POLR2B: variants seen among roughly 807,000 people sequenced by gnomAD.
POLR2B encodes DNA-directed RNA polymerase II subunit RPB2.
In POLR2B, 57 loss-of-function variants were observed where a neutral mutation model predicts 144.6. The ratio of observed to expected loss-of-function variants is 0.39; its 90% CI spans 0.32 to 0.49. POLR2B has a LOEUF of 0.49. Among genes scored for constraint, POLR2B ranks in the 20% least tolerant of loss-of-function variants. POLR2B has a pLI of 0.83. For synonymous variants in POLR2B, 442 were observed against 469.8 expected (o/e 0.94, Z 0.77); for missense variants, 595 against 1,467.4 (o/e 0.41, Z 9.71).
At chr4:56,981,471 C>T (rs1403717279) in intron 1 of POLR2B, among the ~76,000 whole-genome samples, 2 of 152,182 alleles carry the variant, frequency 1.3e-5, no homozygotes, top group African/African-American at 4.8e-5. Context: ...TAACATTTTG[C>T]TAGATGATGC....
chr4:56,992,492 A>AAAAAAAAAAG (rs760090936), intron 3 of POLR2B, among the ~76,000 whole-genome samples: 5 of 88,484 alleles, frequency 5.7e-5, no homozygotes, highest in African/African-American at 1.8e-4. Flanking sequence ...AAAAAAAAAA[A>AAAAAAAAAAG]GAAAAGAAAA....
intron 14 of POLR2B, among the ~76,000 whole-genome samples, chr4:57,016,060 G>T (rs1405963061): frequency 1.3e-5 from 2 of 152,166 alleles, no homozygotes; most frequent in Non-Finnish European, 2.9e-5. Flanking sequence ...CGTCCGGCAA[G>T]TTAACGATTT....
chr4:56,998,172 TAGATA>T (rs1722747169), intron 6 of POLR2B, among the ~76,000 whole-genome samples: 2 of 152,262 alleles, frequency 1.3e-5, no homozygotes, highest in Admixed American at 6.5e-5. Context: ...AGTTCAGTTT[TAGATA>T]AGATTTTTGG....
intron 16 of POLR2B, among the ~76,000 whole-genome samples, chr4:57,020,102 T>G (rs1349994722): frequency 6.6e-6 from 1 of 152,184 alleles, no homozygotes; most frequent in Non-Finnish European, 1.5e-5. Flanking sequence ...GGCACGATCT[T>G]GGTTCGCTGC....
At chr4:57,001,864 G>A (rs1165162617) in intron 7 of POLR2B, among the ~76,000 whole-genome samples, 2 of 152,104 alleles carry the variant, frequency 1.3e-5, no homozygotes, top group Non-Finnish European at 2.9e-5. Flanking sequence ...TGTCCAGAGC[G>A]CTTAAGACTA....
chr4:56,985,241 T>G, intron 1 of POLR2B: 1 of 830,476 alleles, frequency 1.2e-6, no homozygotes, highest in Non-Finnish European at 1.5e-6. Flanking sequence ...TATTTTATTT[T>G]TTTAAATTTT....
rs1056523399 is a variant in POLR2B at position 56,996,485 on chromosome 4, C to T, written c.735+1076C>T. The stretch of plus-strand genomic sequence containing the variant: ...ATTTTTAGTAGAGATGGGGTTTCAC[C>T]GTGTTAGCCAGGATGGTCTCGATCT... On this transcript the variant is annotated intron_variant, in intron 6 of 24. Coordinates refer to ENST00000314595, the MANE Select transcript of POLR2B (RefSeq NM_000938.3). Among the ~76,000 whole-genome samples the T allele has an allele frequency of 1.4e-3, 211 of 150,826 alleles. 1 individual carries two copies. The highest frequency in any genetic ancestry group is 4.9e-3 in the African/African-American group (202 of 41,116).
intron 1 of POLR2B, among the ~76,000 whole-genome samples, chr4:56,984,989 G>A (rs950245888): frequency 3.9e-5 from 6 of 152,124 alleles, no homozygotes; most frequent in Non-Finnish European, 7.4e-5. Flanking sequence ...GGCATAGCAG[G>A]CATGACTTGC....
chr4:57,017,742 TG>T lies in POLR2B; in HGVS notation c.2323+15del, dbSNP rs1310237285. On this transcript the variant is annotated intron_variant, in intron 16 of 24. Coordinates refer to ENST00000314595, the MANE Select transcript of POLR2B (RefSeq NM_000938.3). This position sits in a 1 kb window ranked among gnomAD's most constrained non-coding sequence, Gnocchi z 4.8. ...AGCTGCCAGCAGGTATGGTCAGTTTTGCTCTACGTTATTTAAGATCCTTCTG... is the reference window on the plus strand; with the variant it reads ...AGCTGCCAGCAGGTATGGTCAGTTTTCTCTACGTTATTTAAGATCCTTCTG... 6.2e-7 allele frequency: 1 copy of T among 1,603,540 alleles called. No homozygotes were observed.
intron 9 of POLR2B, among the ~76,000 whole-genome samples, 199 bp downstream of exon 9, chr4:57,005,918 G>A (rs902294368): frequency 2.0e-5 from 3 of 152,076 alleles, no homozygotes; most frequent in South Asian, 2.1e-4. Context: ...AATATATTAC[G>A]TGTTTATATA....
At chr4:57,007,898 C>G (rs901977438) in intron 10 of POLR2B, among the ~76,000 whole-genome samples, 57 of 152,308 alleles carry the variant, frequency 3.7e-4, no homozygotes, top group African/African-American at 1.3e-3. Flanking sequence ...CCAGTATCAC[C>G]TGATTGATTT....
At chr4:57,024,435 C>T (rs1344534770) in intron 21 of POLR2B, among the ~76,000 whole-genome samples, 1 of 152,166 alleles carries the variant, frequency 6.6e-6, no homozygotes, top group East Asian at 1.9e-4. Flanking sequence ...GTTCTATTAT[C>T]AGCTCTGCAT....
chr4:57,023,017 T>C lies in POLR2B; in HGVS notation c.2516-313T>C, dbSNP rs181562502. Among the ~76,000 whole-genome samples the C allele has an allele frequency of 4.6e-5, 7 of 152,334 alleles. No individual in the cohort carries two copies. The highest frequency in any genetic ancestry group is 7.2e-5 in the African/African-American group (3 of 41,582). ...CCTGTACCCACTGATGGCAGAGATA[T>C]TCTTTCTCTTGTAATATAGAAATCA... On this transcript the variant is annotated intron_variant, in intron 18 of 24. Transcript: ENST00000314595. This position sits in a 1 kb window ranked among gnomAD's most constrained non-coding sequence, Gnocchi z 4.3.
At position 56,988,186 on chromosome 4, in the gene POLR2B, C is replaced by T. The variant is rs942625564; in HGVS notation, c.92+1760C>T. Among the ~76,000 whole-genome samples, 80 of 152,096 alleles carry T rather than the reference C, an allele frequency of 5.3e-4. 1 individual carries two copies. The highest frequency in any genetic ancestry group is 1.9e-3 in the African/African-American group (77 of 41,476). On this transcript the variant is annotated intron_variant, in intron 2 of 24. Transcript: ENST00000314595. ...GCAGGGTTTGGAGAAGGGGCCGGGG[C>T]GGCAGTTGCCATGTTTGGTTGCAAA...
chr4:57,013,882 A>C (rs1723280313), intron 13 of POLR2B, among the ~76,000 whole-genome samples: 1 of 151,062 alleles, frequency 6.6e-6, no homozygotes, highest in Admixed American at 6.6e-5. Context: ...CTGAGGTGGG[A>C]GGATCGCTTA....
In POLR2B at chr4:57,023,833, A is replaced by C; in HGVS notation, c.2856+82A>C. ...TAATCAAAATTTGCTTTAACTTAAG[A>C]GCTCAAAGATGATACAGGTTGAACT... On this transcript the variant is annotated intron_variant, in intron 20 of 24. Coordinates refer to ENST00000314595, the MANE Select transcript of POLR2B (RefSeq NM_000938.3). This position sits in a 1 kb window ranked among gnomAD's most constrained non-coding sequence, Gnocchi z 4.3. 1 of 978,212 alleles carries C rather than the reference A, an allele frequency of 1.0e-6. No homozygotes were observed. Among genetic ancestry groups the C allele is most frequent in the Non-Finnish European group, 1.6e-6 (1 of 644,492 alleles). The allele number at this position is 978,212 out of a possible 1,614,324, so 60.6% of individuals were successfully genotyped here. A position where few individuals can be genotyped will look rare whatever the true frequency, so the allele number is the denominator to read the frequency against.
chr4:57,030,905 T>G lies in POLR2B; in HGVS notation c.3442T>G (p.Leu1148Val), dbSNP rs529967662. Residue 1148 changes from leucine (L) to valine (V), a missense_variant, in exon 25 of 25, where the codon TTG becomes GTG. By Grantham distance (32) the Leu-to-Val change is conservative (BLOSUM62 1). Around this residue, in one of 9 missense-constraint regions of POLR2B, gnomAD observed 45 missense variants for 80.9 expected, o/e 0.56. Coordinates refer to ENST00000314595, the MANE Select transcript of POLR2B (RefSeq NM_000938.3). ...ATTTGTTTTTTCTTTTCAGATTTCT[T>G]TGGTGCGAATGCCTTACGCATGCAA... The part of the protein sequence containing the change: ...RGCRNKTQIS[L>V]VRMPYACKLL... The G allele has an allele frequency of 3.1e-6, 5 of 1,599,000 alleles. No homozygotes were observed. The East Asian group carries it at 8.9e-5, about 29-fold the overall frequency.
chr4:56,986,214 T>G, intron 1 of POLR2B, 140 bp from the exon 2 acceptor site: 1 of 741,166 alleles, frequency 1.3e-6, no homozygotes, highest in Non-Finnish European at 2.5e-6. Flanking sequence ...TTAATGTAAT[T>G]GAAATTTTAG....
In POLR2B at chr4:57,031,066, A is replaced by C. The variant is rs1723905284; in HGVS notation, c.*78A>C. 8 of 906,270 alleles carry C rather than the reference A, an allele frequency of 8.8e-6. No individual in the cohort carries two copies. Among genetic ancestry groups the C allele is most frequent in the Non-Finnish European group, 1.5e-5 (8 of 539,630 alleles). 56.1% of individuals were successfully genotyped at this position (906,270 alleles called of 1,614,324 possible). On this transcript the variant is annotated 3_prime_UTR_variant, in exon 25 of 25. Transcript: ENST00000314595. ...TTGTGTGGCTTTTTAAAAATGACAA[A>C]TATGTACTGTGTTGTGATAAAAAGT...
Sources: gnomAD v4.1 joint callset for allele counts (sites outside exome capture counted in the v4.1 genomes callset) on GRCh38, gnomAD v4.1.1 for gene constraint, gnomAD v4.1.1 regional missense constraint, Gnocchi (gnomAD v3.1) non-coding constraint, MANE v1.5 for transcripts, NCBI Gene and HGNC (gene_info 2026-07-23, HGNC 2026-07-21) for gene names.